Variants in WNT3A observed in about 807,000 individuals in gnomAD.
WNT3A encodes the protein protein Wnt-3a.
Under a neutral mutation model 37.0 loss-of-function variants are expected in WNT3A, and 17 were observed. The observed-to-expected ratio is 0.46, with a 90% confidence interval of 0.31 to 0.69. WNT3A has a LOEUF of 0.69. WNT3A is among the 30% of genes least tolerant of loss of function. The pLI, the probability that WNT3A is intolerant of heterozygous loss-of-function variation, is 0.05. For synonymous variants in WNT3A, 187 were observed against 211.0 expected, an observed-to-expected ratio of 0.89 and a Z score of 0.99; for missense variants, 411 against 510.2, an observed-to-expected ratio of 0.81 and a Z score of 1.87.
rs567594761 is a variant in WNT3A at position 228,051,387 on chromosome 1, T to C, written c.579+466T>C. 4.4e-4 allele frequency among the ~76,000 whole-genome samples: 67 copies of C among 152,242 alleles called. 1 individual carries two copies. Among genetic ancestry groups the C allele is most frequent in the South Asian group, 4.4e-3 (21 of 4,826 alleles). ...TTGGTGGGCAGAGCACAGAGTGTAA[T>C]GGAACAAAGAGCATCTTGATCTGCA... is the stretch of plus-strand genomic sequence containing the variant. On this transcript the variant is annotated intron_variant, in intron 3 of 3. Coordinates refer to ENST00000284523, the MANE Select transcript of WNT3A (RefSeq NM_033131.4).
intron 2 of WNT3A, among the ~76,000 whole-genome samples, chr1:228,029,683 G>C (rs1571801458): frequency 6.6e-6 from 1 of 152,170 alleles, no homozygotes; most frequent in South Asian, 2.1e-4. Flanking sequence ...CTGGGCCCCT[G>C]GCTGCCACCT....
chr1:228,049,374 T>C (rs1289986279), intron 2 of WNT3A, among the ~76,000 whole-genome samples: 1 of 152,248 alleles, frequency 6.6e-6, no homozygotes, highest in Admixed American at 6.5e-5. Flanking sequence ...TCCTTTGTGC[T>C]ATTTTTCTTG....
Position 228,021,455 on chromosome 1 carries a change from G to T in WNT3A, c.72-1212G>T, listed in dbSNP as rs545638612. On this transcript the variant is annotated intron_variant, in intron 1 of 3. Transcript: ENST00000284523. ...TGGTCTTGAGCTCAGACTGGGGGATGCGGAGGGCCCCAGGAGCATCTCACA... is the reference window on the plus strand; with the variant it reads ...TGGTCTTGAGCTCAGACTGGGGGATTCGGAGGGCCCCAGGAGCATCTCACA... Among the ~76,000 whole-genome samples, 30 of 152,268 alleles carry T rather than the reference G, an allele frequency of 2.0e-4. No homozygotes were observed. In the South Asian group the frequency reaches 3.1e-3, roughly 16 times the overall value.
intron 1 of WNT3A, among the ~76,000 whole-genome samples, chr1:228,022,323 C>T (rs1384149049): frequency 6.6e-6 from 1 of 152,038 alleles, no homozygotes; most frequent in Non-Finnish European, 1.5e-5. Context: ...TTAGCTGGCT[C>T]TGGTGGTGTG....
Position 228,059,757 on chromosome 1 carries a change from A to G in WNT3A, c.*292A>G, listed in dbSNP as rs2031758478. Reference sequence around the variant, plus strand: ...CTGGGGACGGGGCTCCCCTGGACAGAGGCGGGGCTACAGATTGGGCGGGGC... The same window carrying G: ...CTGGGGACGGGGCTCCCCTGGACAGGGGCGGGGCTACAGATTGGGCGGGGC... On this transcript the variant is annotated 3_prime_UTR_variant, in exon 4 of 4. Transcript: ENST00000284523. The G allele has an allele frequency of 8.4e-7, 1 of 1,188,134 alleles. No individual in the cohort carries two copies. Among genetic ancestry groups the G allele is most frequent in the Non-Finnish European group, 1.0e-6 (1 of 958,830 alleles). 73.6% of individuals were successfully genotyped at this position (1,188,134 alleles called of 1,614,324 possible). A position where few individuals can be genotyped will look rare whatever the true frequency, so the allele number is the denominator to read the frequency against.
In WNT3A at chr1:228,031,257, T is replaced by C. The variant is rs1457289996; in HGVS notation, c.313+8349T>C. Among the ~76,000 whole-genome samples, 1 of 152,172 alleles carries C rather than the reference T, an allele frequency of 6.6e-6. No individual in the cohort carries two copies. The highest frequency in any genetic ancestry group is 1.5e-5 in the Non-Finnish European group (1 of 68,024). ...TCAGGGTCCCTGTAGGAGAAGAAAC[T>C]GGAGCTTGGGGAGCTTGGATGGTGG... On this transcript the variant is annotated intron_variant, in intron 2 of 3. Coordinates refer to ENST00000284523, the MANE Select transcript of WNT3A (RefSeq NM_033131.4). The surrounding 1 kb of genome is among the most constrained non-coding windows in gnomAD (Gnocchi z 4.8).
Position 228,038,634 on chromosome 1 carries a change from G to A in WNT3A, c.314-12022G>A, listed in dbSNP as rs572617888. 6.6e-6 allele frequency among the ~76,000 whole-genome samples: 1 copy of A among 152,302 alleles called. No homozygotes were observed. Among genetic ancestry groups the A allele is most frequent in the African/African-American group, 2.4e-5 (1 of 41,568 alleles). On this transcript the variant is annotated intron_variant, in intron 2 of 3. Coordinates refer to ENST00000284523, the MANE Select transcript of WNT3A (RefSeq NM_033131.4). The surrounding 1 kb of genome is among the most constrained non-coding windows in gnomAD (Gnocchi z 5.7). ...GAGATGGGGGCAGCACCAGGAGGGAGGGACCCAATGCATTCGGGGTGGCCA... is the reference window on the plus strand; with the variant it reads ...GAGATGGGGGCAGCACCAGGAGGGAAGGACCCAATGCATTCGGGGTGGCCA...
chr1:228,059,306 C>G lies in WNT3A; in HGVS notation c.900C>G (p.Ser300Arg), dbSNP rs767000954. The G allele has an allele frequency of 6.3e-7, 1 of 1,583,066 alleles. No individual in the cohort carries two copies. Among genetic ancestry groups the G allele is most frequent in the Admixed American group, 1.8e-5 (1 of 56,738 alleles). The change falls in exon 4 of 4, where the codon AGC becomes AGG. Residue 300 changes from serine (S) to arginine (R), a missense_variant. Ser to Arg is a moderately radical substitution (Grantham distance 110). Transcript: ENST00000284523. ...CGCGCGACCGCACCTGCAACGTCAG[C>G]TCGCACGGCATCGACGGCTGCGACC... ...FGTRDRTCNV[S>R]SHGIDGCDLL...
At position 228,038,739 on chromosome 1, in the gene WNT3A, G is replaced by A. The variant is rs1436934221; in HGVS notation, c.314-11917G>A. On this transcript the variant is annotated intron_variant, in intron 2 of 3. Coordinates refer to ENST00000284523, the MANE Select transcript of WNT3A (RefSeq NM_033131.4). This position sits in a 1 kb window ranked among gnomAD's most constrained non-coding sequence, Gnocchi z 5.7. ...CAGGGTGCAGCGTGCACGGGGGGCT[G>A]TGTTCGCTGTGACCCTCCATCCCCC... 6.6e-6 allele frequency among the ~76,000 whole-genome samples: 1 copy of A among 152,198 alleles called. No individual in the cohort carries two copies. The highest frequency in any genetic ancestry group is 1.5e-5 in the Non-Finnish European group (1 of 68,032).
Position 228,022,892 on chromosome 1 carries a change from G to T in WNT3A, c.297G>T (p.Gly99=), listed in dbSNP as rs1488967617. The change falls in exon 2 of 4, where the codon GGG becomes GGT. Residue 99 remains glycine (G), a synonymous_variant. Transcript: ENST00000284523. The part of the protein sequence containing the change: ...TTVHDSLAIF[G]PVLDKATRES... ...TCCACGACAGCCTGGCCATCTTCGG[G>T]CCCGTGCTGGACAAAGGTATGGGGG... The T allele has an allele frequency of 6.2e-7, 1 of 1,610,418 alleles. No homozygotes were observed. The highest frequency in any genetic ancestry group is 1.1e-5 in the South Asian group (1 of 90,800).
Position 228,050,631 on chromosome 1 carries a change from C to A in WNT3A, c.314-25C>A. On this transcript the variant is annotated intron_variant, in intron 2 of 3. Coordinates refer to ENST00000284523, the MANE Select transcript of WNT3A (RefSeq NM_033131.4). The surrounding 1 kb of genome is among the most constrained non-coding windows in gnomAD (Gnocchi z 5.0). The stretch of plus-strand genomic sequence containing the variant: ...GGTCCTTTGAGCTGAGCCCTGTTAA[C>A]CCTGCATCTCTCCTCTCTCTACAGC... 1 of 1,569,436 alleles carries A rather than the reference C, an allele frequency of 6.4e-7. No homozygotes were observed. Among genetic ancestry groups the A allele is most frequent in the Non-Finnish European group, 8.7e-7 (1 of 1,154,624 alleles).
intron 2 of WNT3A, among the ~76,000 whole-genome samples, chr1:228,044,883 G>T (rs112109037): frequency 9.2e-5 from 14 of 152,334 alleles, no homozygotes; most frequent in African/African-American, 2.9e-4. Flanking sequence ...TCGGATGGGG[G>T]TGTCTGTCCT....
At chr1:228,046,312 GGTGT>G (rs10578421) in intron 2 of WNT3A, among the ~76,000 whole-genome samples, 4 of 151,186 alleles carry the variant, frequency 2.6e-5, no homozygotes, top group East Asian at 2.0e-4. Flanking sequence ...CATGTGGAGG[GGTGT>G]GTGTGTGTGT....
In WNT3A at chr1:228,042,658, A is replaced by G. The variant is rs547929660; in HGVS notation, c.314-7998A>G. ...ATGGATGAGTGGTGGTAGATGGTGG[A>G]TGATGGGTAATGGATGGACAATGGA... On this transcript the variant is annotated intron_variant, in intron 2 of 3. Coordinates refer to ENST00000284523, the MANE Select transcript of WNT3A (RefSeq NM_033131.4). The surrounding 1 kb of genome is among the most constrained non-coding windows in gnomAD (Gnocchi z 5.2). Among the ~76,000 whole-genome samples the G allele has an allele frequency of 1.8e-4, 27 of 151,948 alleles. 1 individual carries two copies. The East Asian group carries it at 2.5e-3, about 14-fold the overall frequency.
intron 2 of WNT3A, among the ~76,000 whole-genome samples, chr1:228,033,627 G>C (rs1316184343): frequency 1.3e-5 from 2 of 152,120 alleles, no homozygotes; most frequent in Non-Finnish European, 2.9e-5. Flanking sequence ...TCTTTTCAAG[G>C]TTATTTTGGC....
rs752108 is a variant in WNT3A, at chr1:228,059,782, C to A, written c.*317C>A. 2.6e-6 allele frequency: 3 copies of A among 1,149,916 alleles called. No homozygotes were observed. In the South Asian group the frequency reaches 9.4e-5, roughly 36 times the overall value. The allele number at this position is 1,149,916 out of a possible 1,614,324, so 71.2% of individuals were successfully genotyped here. On this transcript the variant is annotated 3_prime_UTR_variant, in exon 4 of 4. Transcript: ENST00000284523. ...AGGCGGGGCTACAGATTGGGCGGGG[C>A]TTCTCTTGGGTGGGACAGGGCTTCT... is the stretch of plus-strand genomic sequence containing the variant.
Position 228,023,135 on chromosome 1 carries a change from G to A in WNT3A, c.313+227G>A, listed in dbSNP as rs1015210132. The stretch of plus-strand genomic sequence containing the variant: ...CCTCCTGCTCCCTGGAGAGGAAAGC[G>A]GGCATTCTAAGGTGACTCCAACCAT... On this transcript the variant is annotated intron_variant, in intron 2 of 3. Transcript: ENST00000284523. Among the ~76,000 whole-genome samples the A allele has an allele frequency of 6.6e-5, 10 of 152,346 alleles. 1 individual carries two copies. The highest frequency in any genetic ancestry group is 1.9e-4 in the East Asian group (1 of 5,178).
At chr1:228,052,165 T>TG (rs372070065) in intron 3 of WNT3A, among the ~76,000 whole-genome samples, 31 of 151,992 alleles carry the variant, frequency 2.0e-4, no homozygotes, top group African/African-American at 7.0e-4. Flanking sequence ...GATTTCTTTC[T>TG]GGGGGGGTGG....
chr1:228,013,463 G>A (rs1248718000), intron 1 of WNT3A, among the ~76,000 whole-genome samples: 4 of 152,334 alleles, frequency 2.6e-5, no homozygotes, highest in Admixed American at 2.0e-4. Context: ...TGGCAAGTGC[G>A]TGGCCGCGGG....
Sources: allele counts gnomAD v4.1 joint callset (sites outside exome capture counted in the v4.1 genomes callset), GRCh38; gene constraint gnomAD v4.1.1; non-coding constraint Gnocchi (gnomAD v3.1); transcripts MANE v1.5; gene names NCBI Gene and HGNC (gene_info 2026-07-23, HGNC 2026-07-21).